The following TDRD12 variants were observed in gnomAD, a reference collection of about 807,000 sequenced individuals.
TDRD12 encodes putative ATP-dependent RNA helicase TDRD12.
TDRD12 carries 158 observed loss-of-function variants against 133.5 expected under a neutral mutation model. The ratio of observed to expected loss-of-function variants is 1.18; its 90% CI spans 1.04 to 1.35. TDRD12 has a LOEUF of 1.35. Among genes scored for constraint, TDRD12 ranks in the 40% most tolerant of loss-of-function variants. The pLI is 0.00. For missense variants in TDRD12, 1,443 were observed against 1,321.3 expected (o/e 1.09, Z -1.43); for synonymous variants, 460 against 477.9 (o/e 0.96, Z 0.49).
chr19:32,752,482 C>T (rs1442917380), intron 6 of TDRD12, among the ~76,000 whole-genome samples: 1 of 151,760 alleles, frequency 6.6e-6, no homozygotes, highest in Non-Finnish European at 1.5e-5. Context: ...GCCTGGCCCC[C>T]TTCTGCATTT....
At position 32,801,776 on chromosome 19, in the gene TDRD12, AT is replaced by A; in HGVS notation, c.2104del (p.Cys702AlafsTer2). 1 of 1,431,100 alleles carries A rather than the reference AT, an allele frequency of 7.0e-7. No individual in the cohort carries two copies. Among genetic ancestry groups the A allele is most frequent in the Admixed American group, 2.1e-5 (1 of 47,938 alleles). 88.7% of individuals were successfully genotyped at this position (1,431,100 alleles called of 1,614,324 possible). A position where few individuals can be genotyped will look rare whatever the true frequency, so the allele number is the denominator to read the frequency against. On this transcript the variant is annotated frameshift_variant, in exon 19 of 28. Coordinates refer to ENST00000444215, the Ensembl canonical transcript of TDRD12. LOFTEE classifies it high-confidence loss of function. ...TTTAGGTAGTAGAAAGCAGTTCAAT[AT>A]TTTGCTTGAAGATGCATAAAGAAAT...
chr19:32,742,749 T>C, intron 3 of TDRD12, 32 bp from the exon 4 acceptor site: 1 of 1,544,470 alleles, frequency 6.5e-7, no homozygotes, highest in Non-Finnish European at 8.7e-7. Flanking sequence ...TAATTTTCTA[T>C]ATAATGGAGC....
chr19:32,750,326 T>G (rs1413669498), intron 6 of TDRD12, among the ~76,000 whole-genome samples: 9 of 152,148 alleles, frequency 5.9e-5, no homozygotes, highest in Non-Finnish European at 8.8e-5. Flanking sequence ...CTCTGCCCTT[T>G]CTGAAGGATG....
intron 6 of TDRD12, among the ~76,000 whole-genome samples, chr19:32,755,364 C>G (rs995484749): frequency 1.3e-5 from 2 of 152,220 alleles, no homozygotes; most frequent in African/African-American, 4.8e-5. Context: ...AATGAGAGTT[C>G]TAGTTCCTCC....
chr19:32,744,247 GC>G (rs1568453829), intron 4 of TDRD12, among the ~76,000 whole-genome samples: 1 of 150,694 alleles, frequency 6.6e-6, no homozygotes, highest in African/African-American at 2.4e-5. Flanking sequence ...ATGCCTGTAA[GC>G]CCAGCACTTT....
At position 32,779,075 on chromosome 19, in the gene TDRD12, C is replaced by T. The variant is rs111931467; in HGVS notation, c.1121+1846C>T. 1.8e-4 allele frequency among the ~76,000 whole-genome samples: 27 copies of T among 152,316 alleles called. 1 individual carries two copies. Among genetic ancestry groups the T allele is most frequent in the African/African-American group, 6.5e-4 (27 of 41,570 alleles). ...GCATTGGCTGCACTGCGTCCAAAGC[C>T]TGGGGAACCCTGTGCTGTCATTTCT... On this transcript the variant is annotated intron_variant, in intron 11 of 27. Coordinates refer to ENST00000444215, the Ensembl canonical transcript of TDRD12.
chr19:32,740,606 T>G (rs111647475), intron 3 of TDRD12, among the ~76,000 whole-genome samples: 2 of 152,174 alleles, frequency 1.3e-5, no homozygotes, highest in Non-Finnish European at 2.9e-5. Flanking sequence ...CTCTGCCTCT[T>G]CTGGGTGCTC....
intron 4 of TDRD12, among the ~76,000 whole-genome samples, chr19:32,744,527 A>G (rs1158328609): frequency 1.3e-5 from 2 of 149,928 alleles, no homozygotes; most frequent in Non-Finnish European, 3.0e-5. Flanking sequence ...AAAAAAAACA[A>G]AAGAATATAG....
chr19:32,754,669 C>CTTTTTTT (rs35714049), intron 6 of TDRD12, among the ~76,000 whole-genome samples: 24 of 70,070 alleles, frequency 3.4e-4, no homozygotes, highest in Non-Finnish European at 5.0e-4. Context: ...ATGACTCTAT[C>CTTTTTTT]TTTTTTTTTT....
chr19:32,802,299 C>CTA (rs1049287093), intron 19 of TDRD12, among the ~76,000 whole-genome samples: 3 of 148,152 alleles, frequency 2.0e-5, no homozygotes, highest in South Asian at 4.3e-4. Context: ...GATCCTCAAG[C>CTA]TATATATATA....
intron 1 of TDRD12, among the ~76,000 whole-genome samples, chr19:32,721,706 A>ATTTTATTTTATTTTATTTTATTTT (rs1968678945): frequency 7.3e-6 from 1 of 136,432 alleles, no homozygotes; most frequent in African/African-American, 2.8e-5. Flanking sequence ...ATTTTATTTT[A>ATTTTATTTTATTTTATTTTATTTT]TTTTATTTTA....
exon 28 of TDRD12, chr19:32,821,122 C>T (rs960179320): frequency 3.3e-6 from 5 of 1,535,942 alleles, no homozygotes; most frequent in Non-Finnish European, 4.4e-6. Context: ...AAGACGAGCT[C>T]AGAAAACCAG....
intron 1 of TDRD12, among the ~76,000 whole-genome samples, chr19:32,722,749 G>A (rs1447113300): frequency 3.3e-5 from 5 of 149,644 alleles, no homozygotes; most frequent in East Asian, 3.9e-4. Flanking sequence ...GAGCAATCTC[G>A]GCTCACTGCA....
At chr19:32,756,392 T>C (rs982507990) in intron 7 of TDRD12, among the ~76,000 whole-genome samples, 3 of 146,638 alleles carry the variant, frequency 2.0e-5, no homozygotes, top group African/African-American at 7.6e-5. Flanking sequence ...GCCCTCGATT[T>C]CTGTTTTTTT....
chr19:32,827,238 G>C, exon 10 of TDRD12: 1 of 1,232,012 alleles, frequency 8.1e-7, no homozygotes, highest in Non-Finnish European at 1.0e-6. Flanking sequence ...AGAGGATGAC[G>C]ACAGTGAGAG....
chr19:32,745,790 CTGTGTGTGTG>C (rs10692093), intron 4 of TDRD12, among the ~76,000 whole-genome samples: 2 of 94,828 alleles, frequency 2.1e-5, no homozygotes, highest in Non-Finnish European at 4.0e-5. Context: ...TGATGTCATT[CTGTGTGTGTG>C]TGTGTGTGTG....
chr19:32,727,182 A>G (rs1968889275), intron 1 of TDRD12, among the ~76,000 whole-genome samples: 1 of 152,156 alleles, frequency 6.6e-6, no homozygotes, highest in African/African-American at 2.4e-5. Flanking sequence ...GTCAGGTAGT[A>G]TCTCACTATG....
chr19:32,811,211 G>T (rs1335522897), exon 24 of TDRD12: 2 of 1,535,756 alleles, frequency 1.3e-6, no homozygotes. Flanking sequence ...GCTCTCCAGG[G>T]TTCAGGTGTT....
rs754836261 is a variant in TDRD12, at chr19:32,739,039, T to A, written c.320+47T>A. On this transcript the variant is annotated intron_variant, in intron 3 of 27. Coordinates refer to ENST00000444215, the Ensembl canonical transcript of TDRD12. ...CTTACGCTCTTTTCAGAGACAAATGTCAGTTTCAAAGGAGAACGTCCATTT... is the reference window on the plus strand; with the variant it reads ...CTTACGCTCTTTTCAGAGACAAATGACAGTTTCAAAGGAGAACGTCCATTT... The A allele has an allele frequency of 1.7e-5, 26 of 1,545,816 alleles. No individual in the cohort carries two copies. In the African/African-American group the frequency reaches 3.3e-4, roughly 20 times the overall value.
Sources: gnomAD v4.1 joint callset for allele counts (sites outside exome capture counted in the v4.1 genomes callset) on GRCh38, gnomAD v4.1.1 for gene constraint, MANE v1.5 for transcripts, NCBI Gene and HGNC (gene_info 2026-07-23, HGNC 2026-07-21) for gene names.